Variants in PRKCA observed in about 807,000 individuals in gnomAD.
The protein encoded by PRKCA is protein kinase C alpha type.
Under a neutral mutation model 87.0 loss-of-function variants are expected in PRKCA, and 27 were observed. That is an observed-to-expected ratio of 0.31 (90% CI 0.23 to 0.43). The LOEUF is 0.43. PRKCA is among the 20% of genes least tolerant of loss of function. The pLI is 1.00. For missense variants in PRKCA, 518 were observed against 852.3 expected, an observed-to-expected ratio of 0.61 and a Z score of 4.88; for synonymous variants, 329 against 311.1, an observed-to-expected ratio of 1.06 and a Z score of -0.61.
intron 1 of PRKCA, among the ~76,000 whole-genome samples, chr17:66,304,363 C>T (rs1369074237): frequency 1.3e-5 from 2 of 152,234 alleles, no homozygotes; most frequent in East Asian, 1.9e-4. Context: ...TCTAGGTCCT[C>T]TAGTTAGAGC....
intron 5 of PRKCA, among the ~76,000 whole-genome samples, chr17:66,669,186 T>C (rs1224629133): frequency 6.6e-6 from 1 of 151,316 alleles, no homozygotes; most frequent in Non-Finnish European, 1.5e-5. Context: ...GCAAGCAGAA[T>C]GAGATTTTTT....
chr17:66,670,296 T>G (rs1350625477), intron 5 of PRKCA, among the ~76,000 whole-genome samples: 1 of 152,218 alleles, frequency 6.6e-6, no homozygotes, highest in Admixed American at 6.5e-5. Flanking sequence ...AACCTGTTAA[T>G]GTGGAAAACA....
intron 2 of PRKCA, among the ~76,000 whole-genome samples, chr17:66,315,021 G>T (rs1364355235): frequency 6.6e-6 from 1 of 151,692 alleles, no homozygotes; most frequent in Non-Finnish European, 1.5e-5. Flanking sequence ...GTATATATAT[G>T]TGTGTGTGTA....
chr17:66,703,564 G>A (rs190907812), intron 8 of PRKCA: 157 of 152,316 alleles, frequency 1.0e-3, no homozygotes, highest in African/African-American at 3.7e-3. Flanking sequence ...CCAGGCCAAG[G>A]CGGGTGGATC....
intron 3 of PRKCA, among the ~76,000 whole-genome samples, chr17:66,545,316 C>T (rs1002313038): frequency 1.3e-5 from 2 of 152,170 alleles, no homozygotes; most frequent in Admixed American, 1.3e-4. Flanking sequence ...GTAGTCCCAG[C>T]TACTCAGGAG....
intron 2 of PRKCA, among the ~76,000 whole-genome samples, chr17:66,332,291 G>A (rs1026829189): frequency 6.9e-6 from 1 of 145,328 alleles, no homozygotes; most frequent in Admixed American, 7.1e-5. Flanking sequence ...GCAGTGGCAC[G>A]ATCTCAGCTC....
intron 3 of PRKCA, among the ~76,000 whole-genome samples, chr17:66,515,856 T>A (rs1966952159): frequency 6.6e-6 from 1 of 152,136 alleles, no homozygotes; most frequent in Non-Finnish European, 1.5e-5. Flanking sequence ...TGAGTTTTTG[T>A]TTTTGTTTTT....
intron 3 of PRKCA, among the ~76,000 whole-genome samples, chr17:66,559,452 G>T (rs1968612418): frequency 7.5e-6 from 1 of 133,324 alleles, no homozygotes. Context: ...TCCAGCCTGG[G>T]CGCAACAGAG....
chr17:66,545,775 GT>G (rs1968129791), intron 3 of PRKCA, among the ~76,000 whole-genome samples: 1 of 152,278 alleles, frequency 6.6e-6, no homozygotes, highest in South Asian at 2.1e-4. Flanking sequence ...AGTGCAGAAT[GT>G]TTCCTGCAGA....
At chr17:66,742,465 T>C (rs1974178402) in intron 12 of PRKCA, among the ~76,000 whole-genome samples, 157 bp from the exon 13 acceptor site, 1 of 152,206 alleles carries the variant, frequency 6.6e-6, no homozygotes, top group Non-Finnish European at 1.5e-5. Flanking sequence ...TCTGAAGATA[T>C]CAACACACAT....
chr17:66,702,810 C>T (rs1973096053), intron 8 of PRKCA, among the ~76,000 whole-genome samples: 1 of 152,158 alleles, frequency 6.6e-6, no homozygotes, highest in Non-Finnish European at 1.5e-5. Context: ...ATGGTATAAC[C>T]TATTCCACAC....
At chr17:66,720,393 T>C (rs1973585960) in intron 8 of PRKCA, among the ~76,000 whole-genome samples, 1 of 152,244 alleles carries the variant, frequency 6.6e-6, no homozygotes, top group African/African-American at 2.4e-5. Context: ...AGTAGCATCA[T>C]TTTAACCTGT....
chr17:66,709,075 G>A (rs980720816), intron 8 of PRKCA, among the ~76,000 whole-genome samples: 3 of 152,106 alleles, frequency 2.0e-5, no homozygotes, highest in South Asian at 2.1e-4. Context: ...TACTGAGCAC[G>A]TAGGATTGGT....
At chr17:66,304,659 G>A (rs1303125600) in intron 1 of PRKCA, among the ~76,000 whole-genome samples, 1 of 152,220 alleles carries the variant, frequency 6.6e-6, no homozygotes, top group Non-Finnish European at 1.5e-5. Flanking sequence ...CAGGTCCCAT[G>A]ATCGTGGTGC....
At chr17:66,421,306 T>C (rs900003277) in intron 2 of PRKCA, among the ~76,000 whole-genome samples, 1 of 152,176 alleles carries the variant, frequency 6.6e-6, no homozygotes, top group Non-Finnish European at 1.5e-5. Context: ...AACAGAGAAC[T>C]GCTTTAGGGG....
At chr17:66,579,196 T>G (rs1199294276) in intron 3 of PRKCA, among the ~76,000 whole-genome samples, 2 of 152,182 alleles carry the variant, frequency 1.3e-5, no homozygotes, top group African/African-American at 4.8e-5. Context: ...AAGACAGACA[T>G]CAAGCTAGTC....
intron 8 of PRKCA, among the ~76,000 whole-genome samples, chr17:66,695,674 A>G (rs143088635): frequency 4.4e-4 from 67 of 152,324 alleles, no homozygotes; most frequent in African/African-American, 1.5e-3. Context: ...CTTTTGCTGC[A>G]CACCATTGCT....
At chr17:66,556,304 T>G (rs1968491916) in intron 3 of PRKCA, among the ~76,000 whole-genome samples, 1 of 148,584 alleles carries the variant, frequency 6.7e-6, no homozygotes, top group Non-Finnish European at 1.5e-5. Flanking sequence ...GCTCTGAGAA[T>G]AATCTTTTCT....
rs528035518 is a variant in PRKCA, at chr17:66,792,530, T to C, written c.1854+3551T>C. 2.6e-4 allele frequency among the ~76,000 whole-genome samples: 39 copies of C among 152,204 alleles called. No homozygotes were observed. The highest frequency in any genetic ancestry group is 8.7e-4 in the African/African-American group (36 of 41,522). On this transcript the variant is annotated intron_variant, in intron 16 of 16. Coordinates refer to ENST00000413366, the MANE Select transcript of PRKCA (RefSeq NM_002737.3). This position sits in a 1 kb window ranked among gnomAD's most constrained non-coding sequence, Gnocchi z 4.5. ...TAATCCCTCTTCCTGACTGCCAGAG[T>C]GACTTGACTGAAGTTAACCTTTAGA...
Sources: allele counts gnomAD v4.1 joint callset (sites outside exome capture counted in the v4.1 genomes callset), GRCh38; gene constraint gnomAD v4.1.1; non-coding constraint Gnocchi (gnomAD v3.1); transcripts MANE v1.5; gene names NCBI Gene and HGNC (gene_info 2026-07-23, HGNC 2026-07-21).